WIPF1: variants seen among roughly 807,000 people sequenced by gnomAD.
The protein encoded by WIPF1 is WAS/WASL-interacting protein family member 1.
In WIPF1, 13 loss-of-function variants were observed where a neutral mutation model predicts 35.4. The ratio of observed to expected loss-of-function variants is 0.37; its 90% CI spans 0.24 to 0.58. WIPF1 has a LOEUF of 0.58. Ranked by LOEUF, WIPF1 falls within the 20% of genes least tolerant of loss-of-function variation. WIPF1 has a pLI of 0.74. For synonymous variants in WIPF1, 267 were observed against 266.3 expected (o/e 1.00, Z -0.02); for missense variants, 591 against 667.0 (o/e 0.89, Z 1.25).
intron 1 of WIPF1, chr2:174,665,368 C>T (rs1387004884): frequency 1.3e-5 from 2 of 152,248 alleles, no homozygotes; most frequent in Non-Finnish European, 2.9e-5. Flanking sequence ...CCTCCTAACT[C>T]CTCCATCACC....
Position 174,571,932 on chromosome 2 carries a change from C to T in WIPF1, c.873G>A (p.Lys291=), listed in dbSNP as rs752552539. 1.3e-6 allele frequency: 2 copies of T among 1,597,812 alleles called. No homozygotes were observed. Among genetic ancestry groups the T allele is most frequent in the East Asian group, 2.2e-5 (1 of 44,808 alleles). ...AVPPPPPQNN[K]PPVPSTPRPS... is the part of the protein sequence containing the mutation. ...GCCGCGGAGTGGAAGGCACTGGAGG[C>T]TTGTTGTTCTGAGGAGGAGGAGGGG... The change falls in exon 5 of 8, where the codon AAG becomes AAA. Residue 291 remains lysine (K), a synonymous_variant. Coordinates refer to ENST00000679041, the MANE Select transcript of WIPF1 (RefSeq NM_001375834.1). The surrounding 1 kb of genome is among the most constrained non-coding windows in gnomAD (Gnocchi z 4.6).
At chr2:174,579,675 G>T (rs1469043988) in intron 3 of WIPF1, among the ~76,000 whole-genome samples, 2 of 152,204 alleles carry the variant, frequency 1.3e-5, no homozygotes, top group Admixed American at 1.3e-4. Flanking sequence ...GGACATTGAA[G>T]AATACAATTC....
chr2:174,580,943 T>C (rs1459092416), intron 3 of WIPF1, among the ~76,000 whole-genome samples: 2 of 152,246 alleles, frequency 1.3e-5, no homozygotes, highest in East Asian at 1.9e-4. Context: ...ACAGGATGGA[T>C]GTGCCAGGTC....
At chr2:174,649,688 T>C (rs1687492233) in intron 1 of WIPF1, among the ~76,000 whole-genome samples, 1 of 152,202 alleles carries the variant, frequency 6.6e-6, no homozygotes, top group South Asian at 2.1e-4. Context: ...TGCCTTTATA[T>C]GTAGGACTCG....
chr2:174,563,350 T>C (rs1684545312), intron 7 of WIPF1, among the ~76,000 whole-genome samples: 1 of 152,140 alleles, frequency 6.6e-6, no homozygotes, highest in Non-Finnish European at 1.5e-5. Flanking sequence ...GGAGGGATGA[T>C]GGCTTGAGCT....
intron 1 of WIPF1, among the ~76,000 whole-genome samples, chr2:174,670,153 G>A (rs370879392): frequency 3.0e-4 from 45 of 152,230 alleles, no homozygotes; most frequent in African/African-American, 1.0e-3. Context: ...CAGCCACACA[G>A]ATGAAGATTA....
chr2:174,571,689 C>T lies in WIPF1; in HGVS notation c.1116G>A (p.Pro372=), dbSNP rs138920689. 1.4e-4 allele frequency: 222 copies of T among 1,614,124 alleles called. No individual in the cohort carries two copies. The highest frequency in any genetic ancestry group is 1.6e-4 in the Middle Eastern group (1 of 6,062). ...GTCTTGTCATACCTGATCGGCCTGG[C>T]GGGTCCCTCACTGGAGGTGGGGGTC... ...SERPPPPVRD[P]PGRSGPLPPP... Residue 372 remains proline, a synonymous_variant, in exon 5 of 8, where the codon CCG becomes CCA. Transcript: ENST00000679041. The surrounding 1 kb of genome is among the most constrained non-coding windows in gnomAD (Gnocchi z 4.6).
rs76308107 is a variant in WIPF1, at chr2:174,575,223, G to C, written c.339C>G (p.Ser113=). ...LFQAGMPKLR[S]TANRDNDSGG... ...CCTTACCATTATCCCTGTTGGCCGT[G>C]GATCTCAGCTTCGGCATTCCAGCCT... Residue 113 remains serine, a synonymous_variant, in exon 4 of 8, where the codon TCC becomes TCG. Coordinates refer to ENST00000679041, the MANE Select transcript of WIPF1 (RefSeq NM_001375834.1). The C allele has an allele frequency of 1.0e-3, 1,663 of 1,612,036 alleles. 16 individuals carry two copies. In the African/African-American group the frequency reaches 0.02, roughly 19 times the overall value.
chr2:174,566,776 C>T (rs1477484990), intron 7 of WIPF1: 5 of 303,368 alleles, frequency 1.6e-5, no homozygotes, highest in Non-Finnish European at 2.5e-5. Context: ...TGTGCTGTCT[C>T]AGGAAGATGA....
rs753073816 is a variant in WIPF1, at chr2:174,585,561, G to C, written c.13C>G (p.Pro5Ala). ...GGGGGCGGCGGGGGTGCTGGAGGGG[G>C]AGGGACAGGCATCTTGGGCAGTTAT... MPVP[P>A]PPAPPPPPTF... is the part of the protein sequence containing the mutation. Residue 5 changes from proline (P) to alanine (A), a missense_variant, in exon 2 of 8, where the codon CCC becomes GCC. Pro to Ala is a conservative substitution (Grantham distance 27). Coordinates refer to ENST00000679041, the MANE Select transcript of WIPF1 (RefSeq NM_001375834.1). 1.9e-6 allele frequency: 3 copies of C among 1,608,708 alleles called. No individual in the cohort carries two copies. The highest frequency in any genetic ancestry group is 1.7e-6 in the Non-Finnish European group (2 of 1,177,254).
chr2:174,575,516 A>AT, intron 3 of WIPF1, 136 bp from the exon 4 acceptor site: 1 of 1,427,318 alleles, frequency 7.0e-7, no homozygotes, highest in Non-Finnish European at 9.2e-7. Context: ...AAAATGCAGG[A>AT]TTTTAAGAGT....
At position 174,567,073 on chromosome 2, in the gene WIPF1, G is replaced by A. The variant is rs1041727019; in HGVS notation, c.1453C>T (p.Arg485Trp). The A allele has an allele frequency of 5.0e-6, 8 of 1,613,910 alleles. No individual in the cohort carries two copies. Among genetic ancestry groups the A allele is most frequent in the Middle Eastern group, 1.6e-4 (1 of 6,084 alleles). ...AAACCTTGGCAGAAATACTCACTCC[G>A]GCTTTCGTTTCTTGCCAGTTTGCTG... is the stretch of plus-strand genomic sequence containing the variant. Reference protein sequence around the residue: ...YPSKLARNESRSGSNRRERGA... With the variant: ...YPSKLARNESWSGSNRRERGA... The change falls in exon 7 of 8, where the codon CGG becomes TGG. Residue 485 changes from arginine to tryptophan, a missense_variant. Arg to Trp is a moderately radical substitution (Grantham distance 101). Around this residue, in one of 3 missense-constraint regions of WIPF1, gnomAD observed 117 missense variants for 149.6 expected, o/e 0.78. Coordinates refer to ENST00000679041, the MANE Select transcript of WIPF1 (RefSeq NM_001375834.1).
At position 174,562,028 on chromosome 2, in the gene WIPF1, C is replaced by T; in HGVS notation, c.*519G>A. ...GGGCTCACATTATATTTCTATTGGA[C>T]AGCTCTGTCCTAGAGCCAAGCTCGG... On this transcript the variant is annotated 3_prime_UTR_variant, in exon 8 of 8. Transcript: ENST00000679041. The T allele has an allele frequency of 2.0e-6, 3 of 1,535,088 alleles. No homozygotes were observed. The highest frequency in any genetic ancestry group is 1.8e-6 in the Non-Finnish European group (2 of 1,133,256).
chr2:174,667,887 G>A, intron 1 of WIPF1, among the ~76,000 whole-genome samples: 1 of 152,192 alleles, frequency 6.6e-6, no homozygotes, highest in African/African-American at 2.4e-5. Context: ...CCGCTAGTTT[G>A]ATTCTCTCAC....
chr2:174,587,697 C>T (rs747453662), intron 1 of WIPF1: 6 of 152,234 alleles, frequency 3.9e-5, no homozygotes, highest in Non-Finnish European at 5.9e-5. Context: ...AAGCCAGCAT[C>T]GCTGTGCTCA....
chr2:174,566,044 C>T (rs1309132384), intron 7 of WIPF1: 3 of 152,110 alleles, frequency 2.0e-5, no homozygotes, highest in African/African-American at 7.2e-5. Flanking sequence ...CCACCATGCC[C>T]AGCTAATTTT....
chr2:174,671,741 C>T (rs1454941952), intron 1 of WIPF1, among the ~76,000 whole-genome samples: 1 of 152,074 alleles, frequency 6.6e-6, no homozygotes, highest in Non-Finnish European at 1.5e-5. Context: ...CGCTCCCAGG[C>T]CTATTAGGAC....
intron 1 of WIPF1, among the ~76,000 whole-genome samples, chr2:174,648,701 A>G (rs1374366432): frequency 6.6e-6 from 1 of 152,228 alleles, no homozygotes; most frequent in Non-Finnish European, 1.5e-5. Context: ...AGCAACAAAG[A>G]ATATACAGGG....
In WIPF1 at chr2:174,663,786, T is replaced by C. The variant is rs543262958; in HGVS notation, c.-39+18988A>G. ...AGCAGCACTAGTGCCTTGGATAATC[T>C]AGAAATTGCTTCCATATGCGGGCAC... On this transcript the variant is annotated intron_variant, in intron 1 of 8. Transcript: ENST00000272746. Among the ~76,000 whole-genome samples, 103 of 152,290 alleles carry C rather than the reference T, an allele frequency of 6.8e-4. 1 individual carries two copies. The highest frequency in any genetic ancestry group is 1.3e-3 in the East Asian group (7 of 5,186).
Sources: gnomAD v4.1 joint callset for allele counts (sites outside exome capture counted in the v4.1 genomes callset) on GRCh38, gnomAD v4.1.1 for gene constraint, gnomAD v4.1.1 regional missense constraint, Gnocchi (gnomAD v3.1) non-coding constraint, MANE v1.5 for transcripts, NCBI Gene and HGNC (gene_info 2026-07-23, HGNC 2026-07-21) for gene names.